The following SCAF1 variants were observed in gnomAD, a reference collection of about 807,000 sequenced individuals.
SCAF1 encodes splicing factor, arginine/serine-rich 19.
Under a neutral mutation model 91.2 loss-of-function variants are expected in SCAF1, and 28 were observed. The ratio of observed to expected loss-of-function variants is 0.31; its 90% CI spans 0.23 to 0.42. The LOEUF (loss-of-function observed/expected upper bound fraction) is 0.42, where lower values mean the gene tolerates loss of function less well. Among genes scored for constraint, SCAF1 ranks in the 10% least tolerant of loss-of-function variants. The probability of loss-of-function intolerance (pLI) is 1.00; values close to 1 mark genes in which losing one functional copy is unlikely to be tolerated. For missense variants in SCAF1, 1,893 were observed against 1,872.1 expected, an observed-to-expected ratio of 1.01 and a Z score of -0.21; for synonymous variants, 1,036 against 833.7, an observed-to-expected ratio of 1.24 and a Z score of -4.18.
rs750717830 is a variant in SCAF1 at position 49,652,619 on chromosome 19, G to A, written c.2230G>A (p.Gly744Ser). 8.3e-6 allele frequency: 13 copies of A among 1,562,636 alleles called. No individual in the cohort carries two copies. The highest frequency in any genetic ancestry group is 2.3e-5 in the South Asian group (2 of 85,652). ...SEGLSGEERG[G>S]KSSQKDRRRS... ...GGGACTGAGCGGCGAGGAGCGGGGC[G>A]GCAAGAGCAGCCAGAAGGATCGGCG... The change falls in exon 7 of 11, where the codon GGC (glycine) becomes AGC (serine). Residue 744 changes from glycine (G) to serine (S), a missense_variant. By Grantham distance (56) the Gly-to-Ser change is moderately conservative. Transcript: ENST00000360565.
At chr19:49,643,236 A>C (rs764362871) in intron 1 of SCAF1, among the ~76,000 whole-genome samples, 1 of 152,146 alleles carries the variant, frequency 6.6e-6, no homozygotes, top group Non-Finnish European at 1.5e-5. Context: ...TAGACCCACT[A>C]TTACAGTGCT....
At position 49,645,763 on chromosome 19, in the gene SCAF1, G is replaced by C. The variant is rs1387077355; in HGVS notation, c.167-345G>C. Among the ~76,000 whole-genome samples, 1 of 152,170 alleles carries C rather than the reference G, an allele frequency of 6.6e-6. No individual in the cohort carries two copies. The highest frequency in any genetic ancestry group is 2.1e-4 in the South Asian group (1 of 4,834). ...ATCAGCTGCAGCAGGCCTACAGCAC[G>C]GGTGCAGCGGCGAGGGGCTGCGCTG... On this transcript the variant is annotated intron_variant, in intron 3 of 10. Coordinates refer to ENST00000360565, the MANE Select transcript of SCAF1 (RefSeq NM_021228.3). This position sits in a 1 kb window ranked among gnomAD's most constrained non-coding sequence, Gnocchi z 4.6.
At position 49,652,134 on chromosome 19, in the gene SCAF1, C is replaced by A; in HGVS notation, c.1745C>A (p.Ser582Tyr). The A allele has an allele frequency of 9.3e-7, 1 of 1,079,484 alleles. No homozygotes were observed. Among genetic ancestry groups the A allele is most frequent in the Non-Finnish European group, 1.1e-6 (1 of 889,810 alleles). The allele number at this position is 1,079,484 out of a possible 1,614,324, so 66.9% of individuals were successfully genotyped here. ...TCCCGCTCCCGCTCCCGCTCCCGCT[C>A]CACCCGCCGCCGCTCGCGCAGCACC... The part of the protein sequence containing the change: ...RRSRSRSRSR[S>Y]TRRRSRSTDR... The change falls in exon 7 of 11, where the codon TCC becomes TAC. Residue 582 changes from serine (S) to tyrosine (Y), a missense_variant. Coordinates refer to ENST00000360565, the MANE Select transcript of SCAF1 (RefSeq NM_021228.3).
At chr19:49,647,759 G>A (rs918005753) in intron 6 of SCAF1, among the ~76,000 whole-genome samples, 1 of 152,174 alleles carries the variant, frequency 6.6e-6, no homozygotes, top group Non-Finnish European at 1.5e-5. Context: ...AGCCTCCTGA[G>A]TAGCTGGGAC....
rs774042010 is a variant in SCAF1, at chr19:49,658,402, G to C, written c.*3G>C. 6.6e-7 allele frequency: 1 copy of C among 1,516,960 alleles called. No individual in the cohort carries two copies. Among genetic ancestry groups the C allele is most frequent in the South Asian group, 1.2e-5 (1 of 84,070 alleles). 94.0% of individuals were successfully genotyped at this position (1,516,960 alleles called of 1,614,324 possible). A position where few individuals can be genotyped will look rare whatever the true frequency, so the allele number is the denominator to read the frequency against. On this transcript the variant is annotated 3_prime_UTR_variant, in exon 11 of 11. Transcript: ENST00000360565. Reference sequence around the variant, plus strand: ...GCCTGCCCCTGCCCCCTCTCTGAGAGCCCTGGCCAGCTCTTCGCCCCTCAC... The same window carrying C: ...GCCTGCCCCTGCCCCCTCTCTGAGACCCCTGGCCAGCTCTTCGCCCCTCAC...
rs3833232 is a variant in SCAF1 at position 49,652,104 on chromosome 19, G to GCCGCTCCCGCTC, written c.1735_1746dup (p.Arg579_Ser582dup). 4,768 of 1,132,432 alleles carry GCCGCTCCCGCTC rather than the reference G, an allele frequency of 4.2e-3. 28 individuals carry two copies. Among genetic ancestry groups the GCCGCTCCCGCTC allele is most frequent in the Non-Finnish European group, 4.6e-3 (4,192 of 918,692 alleles). The allele number at this position is 1,132,432 out of a possible 1,614,324, so 70.1% of individuals were successfully genotyped here. ...TCCCACGCCTCGTCGTCCGCCCGCC[G>GCCGCTCCCGCTC]CCGCTCCCGCTCCCGCTCCCGCTCC... On this transcript the variant is annotated inframe_insertion, in exon 7 of 11. Transcript: ENST00000360565.
Position 49,651,142 on chromosome 19 carries a change from T to C in SCAF1, c.753T>C (p.Phe251=), listed in dbSNP as rs369066562. Residue 251 remains phenylalanine (F), a synonymous_variant, in exon 7 of 11, where the codon TTT becomes TTC. Transcript: ENST00000360565. Reference sequence around the variant, plus strand: ...CTCCGGAGCAAAAGTACGACCCTTTTGAGCCCACCGGCTCCAACCCCAGCT... The same window carrying C: ...CTCCGGAGCAAAAGTACGACCCTTTCGAGCCCACCGGCTCCAACCCCAGCT... ...PPAPEQKYDP[F]EPTGSNPSSS... 6.8e-6 allele frequency: 11 copies of C among 1,611,822 alleles called. No homozygotes were observed.
In SCAF1 at chr19:49,658,411, A is replaced by G; in HGVS notation, c.*12A>G. 1.3e-6 allele frequency: 2 copies of G among 1,489,572 alleles called. No homozygotes were observed. Among genetic ancestry groups the G allele is most frequent in the African/African-American group, 1.4e-5 (1 of 71,226 alleles). 92.3% of individuals were successfully genotyped at this position (1,489,572 alleles called of 1,614,324 possible). On this transcript the variant is annotated 3_prime_UTR_variant, in exon 11 of 11. Transcript: ENST00000360565. ...TGCCCCCTCTCTGAGAGCCCTGGCC[A>G]GCTCTTCGCCCCTCACCTCTTTGAA...
chr19:49,645,328 C>T lies in SCAF1; in HGVS notation c.109-26C>T, dbSNP rs200291577. On this transcript the variant is annotated intron_variant, in intron 2 of 10. Coordinates refer to ENST00000360565, the MANE Select transcript of SCAF1 (RefSeq NM_021228.3). This position sits in a 1 kb window ranked among gnomAD's most constrained non-coding sequence, Gnocchi z 4.6. ...CAAAGCATCTGCCTGGGTCCTCTGA[C>T]GCTTGGTTCTTCCCCCCTTCCCCAG... The T allele has an allele frequency of 1.8e-4, 291 of 1,613,462 alleles. 2 individuals carry two copies. In the Admixed American group the frequency reaches 2.4e-3, roughly 13 times the overall value.
chr19:49,657,743 C>T lies in SCAF1; in HGVS notation c.3619-18C>T, dbSNP rs1310427764. 6.3e-7 allele frequency: 1 copy of T among 1,589,404 alleles called. No individual in the cohort carries two copies. The highest frequency in any genetic ancestry group is 1.1e-5 in the South Asian group (1 of 87,976). On this transcript the variant is annotated intron_variant, in intron 9 of 10. Transcript: ENST00000360565. The stretch of plus-strand genomic sequence containing the variant: ...CTGGCCCTTGCTGTGTCTTCCCCCG[C>T]TGTCGCCACCCCACCAGTATCTGAA...
chr19:49,653,982 A>G (rs1445291409), intron 7 of SCAF1, among the ~76,000 whole-genome samples: 1 of 152,192 alleles, frequency 6.6e-6, no homozygotes, highest in Non-Finnish European at 1.5e-5. Context: ...GGGACCAGAA[A>G]GAATGGCTTG....
chr19:49,651,307 T>C lies in SCAF1; in HGVS notation c.918T>C (p.Asp306=). 4 of 1,610,458 alleles carry C rather than the reference T, an allele frequency of 2.5e-6. No individual in the cohort carries two copies. Among genetic ancestry groups the C allele is most frequent in the Non-Finnish European group, 3.4e-6 (4 of 1,179,750 alleles). Residue 306 remains aspartate, a synonymous_variant, in exon 7 of 11, where the codon GAT becomes GAC. Coordinates refer to ENST00000360565, the MANE Select transcript of SCAF1 (RefSeq NM_021228.3). ...CGGAGACCCTGGCGGGCATCTACGATGACAACAGCCTGAGCCAGGACTTCC... is the reference window on the plus strand; with the variant it reads ...CGGAGACCCTGGCGGGCATCTACGACGACAACAGCCTGAGCCAGGACTTCC... The part of the protein sequence containing the change: ...RISETLAGIY[D]DNSLSQDFPG...
In SCAF1 at chr19:49,645,401, C is replaced by T. The variant is rs1179872163; in HGVS notation, c.156C>T (p.Pro52=). Residue 52 remains proline (P), a synonymous_variant, in exon 3 of 11, where the codon CCC becomes CCT. Transcript: ENST00000360565. The surrounding 1 kb of genome is among the most constrained non-coding windows in gnomAD (Gnocchi z 4.6). ...AVGSSLQGDL[P]NDKDGSRCHG... Reference sequence around the variant, plus strand: ...GAAGCTCCCTGCAGGGGGACCTGCCCAATGATAAAGGTATGGCGGCTTCCG... The same window carrying T: ...GAAGCTCCCTGCAGGGGGACCTGCCTAATGATAAAGGTATGGCGGCTTCCG... The T allele has an allele frequency of 6.2e-7, 1 of 1,613,710 alleles. No individual in the cohort carries two copies. Among genetic ancestry groups the T allele is most frequent in the East Asian group, 2.2e-5 (1 of 44,876 alleles).
chr19:49,648,087 C>T (rs963375650), intron 6 of SCAF1, among the ~76,000 whole-genome samples: 1 of 152,114 alleles, frequency 6.6e-6, no homozygotes, highest in African/African-American at 2.4e-5. Context: ...TGCATGCCAC[C>T]ATGCCTGGCT....
At chr19:49,640,773 G>A (rs575593614), upstream of SCAF1, among the ~76,000 whole-genome samples, 1 of 152,196 alleles carries the variant, frequency 6.6e-6, no homozygotes, top group Non-Finnish European at 1.5e-5. Flanking sequence ...GGGTAACGGG[G>A]CAGGGAGGGG....
Position 49,653,233 on chromosome 19 carries a change from T to C in SCAF1, c.2844T>C (p.Asp948=), listed in dbSNP as rs772089694. Residue 948 remains aspartate (D), a synonymous_variant, in exon 7 of 11, where the codon GAT becomes GAC. Coordinates refer to ENST00000360565, the MANE Select transcript of SCAF1 (RefSeq NM_021228.3). ...GQVSLKKSKA[D]SCSQAAGTKG... ...TGTCGCTGAAGAAGTCCAAGGCGGA[T>C]AGCTGCAGCCAGGCGGCAGGCACCA... is the stretch of plus-strand genomic sequence containing the variant. 2.2e-5 allele frequency: 33 copies of C among 1,504,904 alleles called. No homozygotes were observed. The highest frequency in any genetic ancestry group is 2.9e-5 in the Non-Finnish European group (33 of 1,125,926). The allele number at this position is 1,504,904 out of a possible 1,614,324, so 93.2% of individuals were successfully genotyped here.
chr19:49,653,711 T>C lies in SCAF1; in HGVS notation c.3316+6T>C. The stretch of plus-strand genomic sequence containing the variant: ...CACCAGCGGCGTCCTGGCCTGTGAG[T>C]GTCCCCTGGGGGAGGGTGGTGCTGG... On this transcript the variant is annotated splice_donor_region_variant and intron_variant, in intron 7 of 10. Transcript: ENST00000360565. The C allele has an allele frequency of 6.5e-7, 1 of 1,540,112 alleles. No individual in the cohort carries two copies. The highest frequency in any genetic ancestry group is 1.4e-5 in the African/African-American group (1 of 73,506).
Position 49,646,409 on chromosome 19 carries a change from C to G in SCAF1, c.262-117C>G. On this transcript the variant is annotated intron_variant, in intron 4 of 10. Coordinates refer to ENST00000360565, the MANE Select transcript of SCAF1 (RefSeq NM_021228.3). This position sits in a 1 kb window ranked among gnomAD's most constrained non-coding sequence, Gnocchi z 5.6. ...AGTCAGGCTATAGGAATTAGATCCT[C>G]AGTTTTCTTGGGGATCTTAGATGTC... 1.0e-6 allele frequency: 1 copy of G among 981,408 alleles called. No individual in the cohort carries two copies. Among genetic ancestry groups the G allele is most frequent in the Non-Finnish European group, 1.6e-6 (1 of 632,806 alleles). The allele number at this position is 981,408 out of a possible 1,614,324, so 60.8% of individuals were successfully genotyped here.
At chr19:49,658,124 G>A (rs745743038) in intron 10 of SCAF1, 84 bp from the exon 11 acceptor site, 172 of 1,427,230 alleles carry the variant, frequency 1.2e-4, no homozygotes, top group Non-Finnish European at 1.4e-4. Context: ...TCCTCCTACC[G>A]CAGTTCCAAG....
Sources: gnomAD v4.1 joint callset for allele counts (sites outside exome capture counted in the v4.1 genomes callset) on GRCh38, gnomAD v4.1.1 for gene constraint, Gnocchi (gnomAD v3.1) non-coding constraint, MANE v1.5 for transcripts, NCBI Gene and HGNC (gene_info 2026-07-23, HGNC 2026-07-21) for gene names.